Variants in RGS3 observed in about 807,000 individuals in gnomAD.
The protein encoded by RGS3 is regulator of G-protein signalling 3.
In RGS3, 80 loss-of-function variants were observed where a neutral mutation model predicts 132.6. The observed-to-expected ratio is 0.60, with a 90% CI of 0.50 to 0.73. RGS3 has a LOEUF of 0.73. RGS3 is among the 30% of genes least tolerant of loss of function. RGS3 has a pLI of 0.00. For missense variants in RGS3, 1,382 were observed against 1,530.8 expected, an observed-to-expected ratio of 0.90 and a Z score of 1.62; for synonymous variants, 598 against 620.6, an observed-to-expected ratio of 0.96 and a Z score of 0.54.
chr9:113,477,967 T>C (rs1034405978), intron 3 of RGS3, among the ~76,000 whole-genome samples: 1 of 152,228 alleles, frequency 6.6e-6, no homozygotes, highest in Non-Finnish European at 1.5e-5. Flanking sequence ...GAAAGTCTAC[T>C]GGACTGAGAG....
exon 20 of RGS3, chr9:113,584,121 C>T (rs1266353408): frequency 2.5e-5 from 40 of 1,614,114 alleles, no homozygotes; most frequent in Non-Finnish European, 3.1e-5. Flanking sequence ...AGGACACCAG[C>T]GATGACAACT....
intron 19 of RGS3, among the ~76,000 whole-genome samples, chr9:113,552,914 AT>A (rs1833396856): frequency 6.6e-6 from 1 of 152,136 alleles, no homozygotes. Context: ...TTGGCATTAT[AT>A]TTGGTTTTTT....
At chr9:113,478,731 G>A (rs1350994455) in intron 3 of RGS3, 1 of 152,178 alleles carries the variant, frequency 6.6e-6, no homozygotes, top group East Asian at 1.9e-4. Context: ...AGGATTGCTT[G>A]AGCCCAGGAG....
chr9:113,466,806 G>A (rs750691822), intron 3 of RGS3, among the ~76,000 whole-genome samples: 2 of 152,182 alleles, frequency 1.3e-5, no homozygotes, highest in Non-Finnish European at 2.9e-5. Context: ...TCACAGAGAT[G>A]TGTAACTATT....
chr9:113,459,383 C>T (rs1489555987), upstream of RGS3, among the ~76,000 whole-genome samples: 1 of 152,088 alleles, frequency 6.6e-6, no homozygotes, highest in Admixed American at 6.5e-5. Context: ...CTAATTAATA[C>T]TTTCTAGAAA....
chr9:113,498,136 C>A, intron 10 of RGS3, 56 bp downstream of exon 8: 3 of 1,548,200 alleles, frequency 1.9e-6, no homozygotes, highest in Non-Finnish European at 2.7e-6. Flanking sequence ...TCCTTGACAG[C>A]CCCTGGGCCC....
chr9:113,517,556 A>G (rs1190965995), exon 16 of RGS3: 3 of 1,613,264 alleles, frequency 1.9e-6, no homozygotes, highest in South Asian at 2.2e-5. Flanking sequence ...AGATCTCTGT[A>G]ATCCTGCCCG....
chr9:113,586,819 C>T (rs1255523765), intron 20 of RGS3, among the ~76,000 whole-genome samples: 2 of 152,216 alleles, frequency 1.3e-5, no homozygotes, highest in African/African-American at 4.8e-5. Context: ...ACAGTTTCCT[C>T]CTTGGTGAAA....
chr9:113,463,517 G>A lies in RGS3; in HGVS notation c.415+1316G>A, dbSNP rs1162935447. Among the ~76,000 whole-genome samples, 2 of 152,166 alleles carry A rather than the reference G, an allele frequency of 1.3e-5. No individual in the cohort carries two copies. Among genetic ancestry groups the A allele is most frequent in the Non-Finnish European group, 2.9e-5 (2 of 68,020 alleles). Reference sequence around the variant, plus strand: ...CGGTGCTGGGGCCGGGATACCCGGGGTGGCCGCACCGTCCTGCTGGCTCCT... The same window carrying A: ...CGGTGCTGGGGCCGGGATACCCGGGATGGCCGCACCGTCCTGCTGGCTCCT... On this transcript the variant is annotated intron_variant, in intron 3 of 24. Transcript: ENST00000350696. This position sits in a 1 kb window ranked among gnomAD's most constrained non-coding sequence, Gnocchi z 4.6.
chr9:113,474,163 T>G (rs1356553102), intron 3 of RGS3, among the ~76,000 whole-genome samples: 1 of 152,210 alleles, frequency 6.6e-6, no homozygotes, highest in Non-Finnish European at 1.5e-5. Context: ...GAGCAATCTC[T>G]TTCTGTAAGG....
chr9:113,459,294 G>A (rs999683494), upstream of RGS3, among the ~76,000 whole-genome samples: 2 of 151,922 alleles, frequency 1.3e-5, no homozygotes, highest in East Asian at 1.9e-4. Context: ...TAATTTTGTC[G>A]AATAGAGTTT....
At chr9:113,574,502 G>A (rs72763831) in intron 19 of RGS3, among the ~76,000 whole-genome samples, 18,051 of 152,204 alleles carry the variant, frequency 0.12, 1,286 homozygotes, top group African/African-American at 0.19. Context: ...AGGCCCTGGC[G>A]CATGGCTGCA....
rs765492650 is a variant in RGS3, at chr9:113,507,753, G to A, written c.1437+115G>A. The stretch of plus-strand genomic sequence containing the variant: ...AGCCTGTGAGGGGCTGCGATGTTGG[G>A]CAAGGAGATGGGGTATGTGCTAGCT... On this transcript the variant is annotated intron_variant, in intron 13 of 24. Coordinates refer to ENST00000350696, the Ensembl canonical transcript of RGS3. The surrounding 1 kb of genome is among the most constrained non-coding windows in gnomAD (Gnocchi z 5.0). 25 of 830,306 alleles carry A rather than the reference G, an allele frequency of 3.0e-5. No homozygotes were observed. The highest frequency in any genetic ancestry group is 4.3e-5 in the Non-Finnish European group (24 of 556,026). 51.4% of individuals were successfully genotyped at this position (830,306 alleles called of 1,614,324 possible). A position where few individuals can be genotyped will look rare whatever the true frequency, so the allele number is the denominator to read the frequency against.
intron 3 of RGS3, among the ~76,000 whole-genome samples, chr9:113,474,062 G>A (rs1829918179): frequency 6.6e-6 from 1 of 150,764 alleles, no homozygotes; most frequent in Admixed American, 6.6e-5. Flanking sequence ...TGATCCATGG[G>A]AATCTAAATT....
intron 19 of RGS3, among the ~76,000 whole-genome samples, chr9:113,550,651 G>A (rs974113541): frequency 6.6e-6 from 1 of 152,126 alleles, no homozygotes; most frequent in African/African-American, 2.4e-5. Context: ...ATAAGAAAAT[G>A]TTTATTCCTC....
chr9:113,490,040 C>A (rs1052266270), intron 7 of RGS3, among the ~76,000 whole-genome samples: 14 of 152,190 alleles, frequency 9.2e-5, no homozygotes, highest in African/African-American at 3.4e-4. Flanking sequence ...ACAGTGGGAA[C>A]TGAGGAGAAC....
chr9:113,457,937 G>T (rs1829397801), upstream of RGS3, among the ~76,000 whole-genome samples: 1 of 152,182 alleles, frequency 6.6e-6, no homozygotes, highest in African/African-American at 2.4e-5. Flanking sequence ...TAGGAAGCTA[G>T]ACAGAGACAA....
intron 9 of RGS3, 88 bp from the exon 8 acceptor site, chr9:113,497,937 G>C: frequency 7.1e-7 from 1 of 1,402,462 alleles, no homozygotes; most frequent in South Asian, 1.2e-5. Flanking sequence ...CCATGGGCCT[G>C]TTTCCCAGTG....
intron 11 of RGS3, 63 bp downstream of exon 9, chr9:113,505,586 A>G: frequency 7.4e-7 from 1 of 1,350,960 alleles, no homozygotes; most frequent in Non-Finnish European, 1.1e-6. Flanking sequence ...CTTTGCAAAC[A>G]TAGTCTGGAA....
Sources: gnomAD v4.1 joint callset for allele counts (sites outside exome capture counted in the v4.1 genomes callset) on GRCh38, gnomAD v4.1.1 for gene constraint, Gnocchi (gnomAD v3.1) non-coding constraint, MANE v1.5 for transcripts, NCBI Gene and HGNC (gene_info 2026-07-23, HGNC 2026-07-21) for gene names.